TNS1: variants seen among roughly 807,000 people sequenced by gnomAD.
TNS1 encodes the protein tensin 1.
A neutral mutation model predicts 168.6 loss-of-function variants in TNS1; 62 were observed. The ratio of observed to expected loss-of-function variants is 0.37; its 90% CI spans 0.30 to 0.45. TNS1 has a LOEUF of 0.45. TNS1 is among the 20% of genes least tolerant of loss of function. The probability of loss-of-function intolerance (pLI) is 1.00; values close to 1 mark genes in which losing one functional copy is unlikely to be tolerated. For missense variants in TNS1, 2,240 were observed against 2,339.4 expected (o/e 0.96, Z 0.88); for synonymous variants, 934 against 933.2 (o/e 1.00, Z -0.02).
chr2:218,030,156 A>T (rs1327328851), intron 1 of TNS1, among the ~76,000 whole-genome samples: 2 of 152,032 alleles, frequency 1.3e-5, no homozygotes, highest in Non-Finnish European at 2.9e-5. Flanking sequence ...ATATACACAC[A>T]GCATGTGTGC....
intron 27 of TNS1, 76 bp from the exon 28 acceptor site, chr2:217,812,521 A>G: frequency 8.5e-7 from 1 of 1,183,104 alleles, no homozygotes. Flanking sequence ...CTACCCTTAC[A>G]CCGATACACA....
chr2:217,896,933 G>T (rs1485312513), intron 8 of TNS1, among the ~76,000 whole-genome samples: 5 of 152,060 alleles, frequency 3.3e-5, no homozygotes, highest in Admixed American at 6.5e-5. Flanking sequence ...GTTTTTATTT[G>T]TATTGTTTTT....
intron 7 of TNS1, 60 bp downstream of exon 7, chr2:217,900,403 A>G: frequency 6.6e-7 from 1 of 1,511,296 alleles, no homozygotes; most frequent in Non-Finnish European, 8.9e-7. Flanking sequence ...CTTAACAGGG[A>G]CACCCACAGT....
chr2:217,808,454 C>G (rs369136216), intron 31 of TNS1, 149 bp downstream of exon 31: 4 of 817,642 alleles, frequency 4.9e-6, no homozygotes, highest in East Asian at 2.4e-5. Context: ...ATGCCCAACA[C>G]GATTACTCAC....
intron 3 of TNS1, among the ~76,000 whole-genome samples, chr2:217,959,499 T>C (rs538093469): frequency 7.0e-6 from 1 of 142,294 alleles, no homozygotes. Context: ...TGGAATCTTA[T>C]CATGGAACCT....
intron 22 of TNS1, among the ~76,000 whole-genome samples, chr2:217,830,837 T>C (rs187295182): frequency 5.6e-4 from 85 of 152,328 alleles, no homozygotes; most frequent in African/African-American, 2.0e-3. Flanking sequence ...AGACCTGGGC[T>C]GAGGGCAAGG....
At chr2:217,946,767 AG>A (rs1957115901) in intron 3 of TNS1, among the ~76,000 whole-genome samples, 2 of 152,050 alleles carry the variant, frequency 1.3e-5, no homozygotes, top group South Asian at 2.1e-4. Context: ...TGCCTGCTCC[AG>A]CACCTGGGTA....
chr2:218,011,340 C>T (rs1268313265), upstream of TNS1, among the ~76,000 whole-genome samples: 2 of 152,238 alleles, frequency 1.3e-5, no homozygotes, highest in South Asian at 4.1e-4. Flanking sequence ...CAGAGAGAGG[C>T]AGGCAGAGAG....
rs745306101 is a variant in TNS1 at position 217,818,509 on chromosome 2, C to T, written c.3823G>A (p.Val1275Ile). 14 of 1,614,212 alleles carry T rather than the reference C, an allele frequency of 8.7e-6. No homozygotes were observed. Among genetic ancestry groups the T allele is most frequent in the East Asian group, 2.2e-5 (1 of 44,884 alleles). Reference sequence around the variant, plus strand: ...TGAGGGCTCCCAGGCACCGTGTGGACGCCAGCCACACTGAACTGAGCTCGA... The same window carrying T: ...TGAGGGCTCCCAGGCACCGTGTGGATGCCAGCCACACTGAACTGAGCTCGA... ...QARAQFSVAGVHTVPGSPQAR... is the reference protein window; with the variant it reads ...QARAQFSVAGIHTVPGSPQAR... The change falls in exon 24 of 33, where the codon GTC becomes ATC. Residue 1275 changes from valine (V) to isoleucine (I), a missense_variant. Around this residue, in one of 2 missense-constraint regions of TNS1, gnomAD observed 2,131 missense variants for 2,171.2 expected, o/e 0.98. Transcript: ENST00000682258.
chr2:217,912,336 G>A (rs543584994), intron 4 of TNS1, among the ~76,000 whole-genome samples: 2 of 152,216 alleles, frequency 1.3e-5, no homozygotes, highest in Non-Finnish European at 2.9e-5. Context: ...CGCAGAATGC[G>A]GGCTCAGCCT....
intron 18 of TNS1, among the ~76,000 whole-genome samples, chr2:217,868,417 A>C (rs1166066022): frequency 2.0e-5 from 3 of 152,204 alleles, no homozygotes; most frequent in Admixed American, 1.3e-4. Flanking sequence ...ACAGACACCT[A>C]GTTCTGCATA....
intron 3 of TNS1, among the ~76,000 whole-genome samples, chr2:217,964,534 T>C (rs979145428): frequency 6.6e-6 from 1 of 152,216 alleles, no homozygotes; most frequent in Non-Finnish European, 1.5e-5. Flanking sequence ...CTAGCGATTA[T>C]ATTAATACCT....
intron 22 of TNS1, among the ~76,000 whole-genome samples, chr2:217,828,288 G>A (rs1283605174): frequency 6.6e-6 from 1 of 152,214 alleles, no homozygotes; most frequent in African/African-American, 2.4e-5. Flanking sequence ...CAGCTGGTCA[G>A]GAGAGGGCAA....
chr2:217,998,255 A>G (rs530867218), intron 1 of TNS1, among the ~76,000 whole-genome samples: 44 of 130,032 alleles, frequency 3.4e-4, no homozygotes, highest in African/African-American at 1.4e-3. Context: ...CCTGAGCGAG[A>G]TGAGTTCTCT....
chr2:217,851,428 C>T (rs922239202), intron 18 of TNS1, among the ~76,000 whole-genome samples: 3 of 146,952 alleles, frequency 2.0e-5, no homozygotes, highest in African/African-American at 7.7e-5. Context: ...CCACCAGGCA[C>T]TTGCATCCCT....
At position 217,831,505 on chromosome 2, in the gene TNS1, A is replaced by C; in HGVS notation, c.3323T>G (p.Leu1108Arg). Residue 1108 changes from leucine (L) to arginine (R), a missense_variant, in exon 22 of 33, where the codon CTG (leucine) becomes CGG (arginine). Transcript: ENST00000682258. ...CGCTGGGTTGTGAGGTTTCAGGCCC[A>C]GAGCAGACAGGGGTGTCTTGGCCAG... ...PGLAKTPLSA[L>R]GLKPHNPADI... 1.3e-6 allele frequency: 2 copies of C among 1,575,322 alleles called. No individual in the cohort carries two copies. The highest frequency in any genetic ancestry group is 1.7e-6 in the Non-Finnish European group (2 of 1,162,992).
At position 217,813,720 on chromosome 2, in the gene TNS1, G is replaced by A. The variant is rs763763057; in HGVS notation, c.4826C>T (p.Ser1609Leu). Residue 1609 changes from serine (S) to leucine (L), a missense_variant, in exon 26 of 33, where the codon TCG becomes TTG. By Grantham distance (145) the Ser-to-Leu change is moderately radical. Around this residue, in one of 2 missense-constraint regions of TNS1, gnomAD observed 2,131 missense variants for 2,171.2 expected, o/e 0.98. Transcript: ENST00000682258. This position sits in a 1 kb window ranked among gnomAD's most constrained non-coding sequence, Gnocchi z 4.0. ...CTGCTGCATGATGGTTGGAGGTGGC[G>A]AAGACACCTTCATGGCCAGCCCGTA... ...GAYGLAMKVS[S>L]PPPTIMQQNK... 50 of 1,613,400 alleles carry A rather than the reference G, an allele frequency of 3.1e-5. No homozygotes were observed. In the South Asian group the frequency reaches 4.0e-4, roughly 13 times the overall value.
chr2:217,938,945 T>C lies in TNS1; in HGVS notation c.187-18709A>G, dbSNP rs763731404. Among the ~76,000 whole-genome samples, 4 of 152,108 alleles carry C rather than the reference T, an allele frequency of 2.6e-5. No homozygotes were observed. In the East Asian group the frequency reaches 5.8e-4, roughly 22 times the overall value. The stretch of plus-strand genomic sequence containing the variant: ...GATGTTAGGACCTCTTAAGGGAAAA[T>C]GACACCAGCATCTTCTCCACTCTCT... On this transcript the variant is annotated intron_variant, in intron 3 of 32. Coordinates refer to ENST00000682258, the MANE Select transcript of TNS1 (RefSeq NM_001387777.1).
intron 18 of TNS1, among the ~76,000 whole-genome samples, chr2:217,860,242 C>G (rs1352441683): frequency 2.0e-5 from 3 of 152,222 alleles, no homozygotes; most frequent in Non-Finnish European, 2.9e-5. Context: ...GCACCCCTCT[C>G]TGGCTGCTGT....
Sources: allele counts gnomAD v4.1 joint callset (sites outside exome capture counted in the v4.1 genomes callset), GRCh38; gene constraint gnomAD v4.1.1; regional missense constraint gnomAD v4.1.1; non-coding constraint Gnocchi (gnomAD v3.1); transcripts MANE v1.5; gene names NCBI Gene and HGNC (gene_info 2026-07-23, HGNC 2026-07-21).